The following CARF variants were observed in gnomAD, a reference collection of about 807,000 sequenced individuals.
CARF encodes calcium responsive transcription factor, also known as calcium-responsive transcription factor.
Under a neutral mutation model 82.0 loss-of-function variants are expected in CARF, and 57 were observed. That is an observed-to-expected ratio of 0.70 (90% confidence interval 0.56 to 0.87). CARF has a LOEUF of 0.87. Ranked by LOEUF, CARF falls within the 40% of genes least tolerant of loss-of-function variation. The pLI, the probability that CARF is intolerant of heterozygous loss-of-function variation, is 0.00. For synonymous variants in CARF, 268 were observed against 290.1 expected (o/e 0.92, Z 0.77); for missense variants, 771 against 855.8 (o/e 0.90, Z 1.24).
chr2:202,943,758 TTGCCTCAGCCTCC>T (rs1239337442), intron 5 of CARF, among the ~76,000 whole-genome samples: 1 of 151,804 alleles, frequency 6.6e-6, no homozygotes, highest in East Asian at 1.9e-4. Context: ...AGCAGTTCTC[TTGCCTCAGCCTCC>T]TGAGTAGCTG....
At chr2:202,971,773 C>T (rs1162306431) in intron 12 of CARF, 35 bp downstream of exon 12, 1 of 1,541,498 alleles carries the variant, frequency 6.5e-7, no homozygotes, top group Non-Finnish European at 8.9e-7. Context: ...TTACATTTTT[C>T]AGTTTTGTTT....
intron 5 of CARF, among the ~76,000 whole-genome samples, chr2:202,952,024 G>T (rs538525553): frequency 6.6e-6 from 1 of 151,918 alleles, no homozygotes; most frequent in Non-Finnish European, 1.5e-5. Flanking sequence ...GTGGAGACAG[G>T]GTTTCACCAT....
chr2:202,967,208 TAA>T (rs2059592268), intron 10 of CARF, 110 bp downstream of exon 10: 1 of 1,224,560 alleles, frequency 8.2e-7, no homozygotes, highest in African/African-American at 1.6e-5. Flanking sequence ...CAGTGAATTC[TAA>T]GTTTTCTCTT....
intron 2 of CARF, among the ~76,000 whole-genome samples, chr2:202,922,175 A>G (rs1256453433): frequency 6.6e-6 from 1 of 152,120 alleles, no homozygotes; most frequent in South Asian, 2.1e-4. Flanking sequence ...TTGCCCTGTC[A>G]TGATCATGGT....
chr2:202,987,839 A>G lies in CARF; in HGVS notation c.*4215A>G, dbSNP rs143705124. On this transcript the variant is annotated 3_prime_UTR_variant, in exon 17 of 17. Transcript: ENST00000438828. ...TTGAGGTATAATTGAAATACAATAA[A>G]CTGTACATATTTAAAGTACCCAATA... Among the ~76,000 whole-genome samples, 422 of 152,300 alleles carry G rather than the reference A, an allele frequency of 2.8e-3. 2 individuals carry two copies. The highest frequency in any genetic ancestry group is 4.1e-3 in the Non-Finnish European group (277 of 68,022).
chr2:202,933,862 C>T (rs72926770), intron 3 of CARF, among the ~76,000 whole-genome samples: 14,218 of 151,046 alleles, frequency 0.094, 1,564 homozygotes, highest in Non-Finnish European at 0.13. Flanking sequence ...CTTTTCTTTC[C>T]TTTCTTTTCT....
chr2:202,963,179 G>A (rs1238266572), intron 9 of CARF: 2 of 152,290 alleles, frequency 1.3e-5, no homozygotes, highest in Non-Finnish European at 1.5e-5. Context: ...TTAGCCGGGC[G>A]AGGTGGCGGG....
rs535681582 is a variant in CARF, at chr2:202,916,142, T to C, written c.-329-1735T>C. ...AAAAGATGCGGTAAATTTTACTTTCTAAAGTACTTTTGAGCAATATTTTAT... is the reference window on the plus strand; with the variant it reads ...AAAAGATGCGGTAAATTTTACTTTCCAAAGTACTTTTGAGCAATATTTTAT... On this transcript the variant is annotated intron_variant, in intron 1 of 16. Coordinates refer to ENST00000438828, the MANE Select transcript of CARF (RefSeq NM_024744.17). Among the ~76,000 whole-genome samples the C allele has an allele frequency of 3.2e-3, 488 of 151,112 alleles. 7 individuals are homozygous for C. Among genetic ancestry groups the C allele is most frequent in the South Asian group, 0.025 (122 of 4,790 alleles).
In CARF at chr2:202,952,672, TC is replaced by T; in HGVS notation, c.422del (p.Pro141LeufsTer17). 6.2e-7 allele frequency: 1 copy of T among 1,611,528 alleles called. No individual in the cohort carries two copies. Among genetic ancestry groups the T allele is most frequent in the Non-Finnish European group, 8.5e-7 (1 of 1,178,536 alleles). Reference protein sequence around the residue: ...PQGQLVDVNSPRDVPEEKPSN... With the variant: ...PQGQLVDVNSXRDVPEEKPSN... Reference sequence around the variant, plus strand: ...AGGGGCAACTTGTGGATGTGAATAGTCCTCGGGGTGAGTAACAACGGGATAT... The same window carrying T: ...AGGGGCAACTTGTGGATGTGAATAGTCTCGGGGTGAGTAACAACGGGATAT... On this transcript the variant is annotated frameshift_variant, in exon 6 of 17. Coordinates refer to ENST00000438828, the MANE Select transcript of CARF (RefSeq NM_024744.17). LOFTEE classifies it high-confidence loss of function.
intron 9 of CARF, among the ~76,000 whole-genome samples, chr2:202,966,276 G>A (rs1345820271): frequency 6.6e-6 from 1 of 152,054 alleles, no homozygotes; most frequent in Non-Finnish European, 1.5e-5. Flanking sequence ...GGATTACTGG[G>A]GGCCATCTTA....
At chr2:202,936,855 A>G (rs748373531) in intron 3 of CARF, among the ~76,000 whole-genome samples, 1 of 152,226 alleles carries the variant, frequency 6.6e-6, no homozygotes, top group Non-Finnish European at 1.5e-5. Context: ...TTGGTGCCAT[A>G]TCTAAGAAAC....
chr2:202,940,742 G>A, intron 3 of CARF, among the ~76,000 whole-genome samples: 1 of 151,980 alleles, frequency 6.6e-6, no homozygotes, highest in Non-Finnish European at 1.5e-5. Flanking sequence ...CAAAACTAAT[G>A]TATTAGAACT....
rs1455128297 is a variant in CARF, at chr2:202,961,445, AT to A, written c.832+23del. The A allele has an allele frequency of 6.2e-7, 1 of 1,601,608 alleles. No homozygotes were observed. Among genetic ancestry groups the A allele is most frequent in the Admixed American group, 1.7e-5 (1 of 59,928 alleles). Reference sequence around the variant, plus strand: ...AATGCAGGTACTTTTTTAAAGAATTATTTTAAAAGGTTCAGCAGCAGCCATA... The same window carrying A: ...AATGCAGGTACTTTTTTAAAGAATTATTTAAAAGGTTCAGCAGCAGCCATA... On this transcript the variant is annotated intron_variant, in intron 9 of 16. Transcript: ENST00000438828.
At chr2:202,968,971 T>C (rs1397251617) in intron 10 of CARF, among the ~76,000 whole-genome samples, 2 of 152,140 alleles carry the variant, frequency 1.3e-5, no homozygotes, top group Non-Finnish European at 2.9e-5. Flanking sequence ...AGGGATGATA[T>C]TGTAGGTTAG....
chr2:202,940,193 C>G (rs1026634350), intron 3 of CARF, among the ~76,000 whole-genome samples: 2 of 152,022 alleles, frequency 1.3e-5, no homozygotes, highest in African/African-American at 4.8e-5. Flanking sequence ...ATCACTGTGC[C>G]CAGCTAATTT....
intron 14 of CARF, among the ~76,000 whole-genome samples, chr2:202,980,250 G>A (rs150167538): frequency 3.9e-5 from 6 of 152,008 alleles, no homozygotes; most frequent in Admixed American, 6.6e-5. Context: ...GAGCCACTTC[G>A]CCTGGCCGAT....
At chr2:202,917,023 A>G (rs2105935118) in intron 1 of CARF, among the ~76,000 whole-genome samples, 1 of 152,090 alleles carries the variant, frequency 6.6e-6, no homozygotes, top group South Asian at 2.1e-4. Flanking sequence ...ATCCCGGCTA[A>G]CACGGTGAAA....
intron 2 of CARF, among the ~76,000 whole-genome samples, chr2:202,921,365 A>C (rs988675898): frequency 6.6e-6 from 1 of 152,168 alleles, no homozygotes; most frequent in African/African-American, 2.4e-5. Flanking sequence ...AATTGAAGAA[A>C]TTTCTATTAC....
At position 202,913,156 on chromosome 2, in the gene CARF, CCTA is replaced by C. The variant is rs1396441326; in HGVS notation, c.-330+57_-330+59del. ...CCTTTTTTACGTTGTTTAAAGATGT[CCTA>C]CTGTAAGGTAGACGCCTAATGTTTA... On this transcript the variant is annotated intron_variant, in intron 1 of 16. Coordinates refer to ENST00000438828, the MANE Select transcript of CARF (RefSeq NM_024744.17). 5.3e-5 allele frequency: 8 copies of C among 152,214 alleles called. No individual in the cohort carries two copies. The East Asian group carries it at 1.3e-3, about 26-fold the overall frequency. 9.4% of individuals were successfully genotyped at this position (152,214 alleles called of 1,614,324 possible). A position where few individuals can be genotyped will look rare whatever the true frequency, so the allele number is the denominator to read the frequency against.
Sources: gnomAD v4.1 joint callset for allele counts (sites outside exome capture counted in the v4.1 genomes callset) on GRCh38, gnomAD v4.1.1 for gene constraint, MANE v1.5 for transcripts, NCBI Gene and HGNC (gene_info 2026-07-23, HGNC 2026-07-21) for gene names.